The following NHSL3 variants were observed in gnomAD, a reference collection of about 807,000 sequenced individuals.
NHSL3 encodes NHS like 3.
chr1:32,749,371 C>T, the NHSL3 span, among the ~76,000 whole-genome samples: 1 of 152,302 alleles, frequency 6.6e-6, no homozygotes, highest in Non-Finnish European at 1.5e-5. Flanking sequence ...CTGGCCAGCA[C>T]AAGGCCTGGC....
the NHSL3 span, chr1:32,765,665 A>G: frequency 6.1e-5 from 94 of 1,529,460 alleles, no homozygotes; most frequent in Middle Eastern, 2.0e-4. Flanking sequence ...GCGGGGCGGG[A>G]GGGCTCGCAT....
the NHSL3 span, chr1:32,767,750 C>T: frequency 5.7e-6 from 9 of 1,569,378 alleles, no homozygotes; most frequent in Non-Finnish European, 7.8e-6. Flanking sequence ...GGCCCAGATG[C>T]CTTTACCTCA....
the NHSL3 span, among the ~76,000 whole-genome samples, chr1:32,768,284 G>A: frequency 6.6e-6 from 1 of 152,110 alleles, no homozygotes; most frequent in Non-Finnish European, 1.5e-5. Context: ...TGCTGGAGGG[G>A]ATCTGTGACT....
At chr1:32,769,525 C>A in the NHSL3 span, 8 of 670,360 alleles carry the variant, frequency 1.2e-5, no homozygotes, top group Non-Finnish European at 2.1e-5. Flanking sequence ...CAGAAAGAAG[C>A]CTCTAGCTTT....
the NHSL3 span, among the ~76,000 whole-genome samples, chr1:32,769,170 C>T: frequency 6.6e-6 from 1 of 151,946 alleles, no homozygotes; most frequent in African/African-American, 2.4e-5. Flanking sequence ...AGGAGAATGG[C>T]GTGAACCCAG....
the NHSL3 span, chr1:32,773,223 C>A: frequency 2.5e-6 from 1 of 403,286 alleles, no homozygotes; most frequent in Non-Finnish European, 4.6e-6. Flanking sequence ...GGACACCTCA[C>A]CTGAGTTTCA....
the NHSL3 span, among the ~76,000 whole-genome samples, chr1:32,755,005 C>T: frequency 6.6e-6 from 1 of 152,028 alleles, no homozygotes; most frequent in African/African-American, 2.4e-5. Context: ...TGGAACGCAG[C>T]CCTTGCCGGC....
the NHSL3 span, among the ~76,000 whole-genome samples, chr1:32,746,038 G>A: frequency 6.6e-6 from 1 of 151,894 alleles, no homozygotes; most frequent in Non-Finnish European, 1.5e-5. Context: ...AGACCATCCT[G>A]GCTAACATGG....
the NHSL3 span, chr1:32,772,417 GAGA>G: frequency 2.6e-6 from 4 of 1,531,100 alleles, no homozygotes; most frequent in African/African-American, 1.4e-5. Context: ...GGGCCCAGAG[GAGA>G]AGATGGGCCT....
At chr1:32,772,740 C>T in the NHSL3 span, 1 of 974,346 alleles carries the variant, frequency 1.0e-6, no homozygotes, top group Admixed American at 1.9e-5. Context: ...CAGCCCAGTG[C>T]TGCGGGCACT....
the NHSL3 span, among the ~76,000 whole-genome samples, chr1:32,749,559 C>G: frequency 6.6e-6 from 1 of 152,254 alleles, no homozygotes; most frequent in South Asian, 2.1e-4. Flanking sequence ...ACATGGCCAT[C>G]TAGTGTCAGA....
the NHSL3 span, chr1:32,767,988 C>G: frequency 2.4e-5 from 39 of 1,611,758 alleles, no homozygotes; most frequent in Admixed American, 6.7e-5. Context: ...CCTCCCCTCT[C>G]CTCCCTCCAG....
chr1:32,747,100 A>G, the NHSL3 span, among the ~76,000 whole-genome samples: 3 of 151,446 alleles, frequency 2.0e-5, no homozygotes, highest in Admixed American at 2.0e-4. Flanking sequence ...CCTGAGTTTG[A>G]GTTCTGCTCT....
chr1:32,772,997 C>T, the NHSL3 span: 10 of 1,057,648 alleles, frequency 9.5e-6, no homozygotes, highest in Non-Finnish European at 1.5e-5. Flanking sequence ...ATAGAGAGGG[C>T]GCCTGCAGCC....
At chr1:32,769,253 C>CA in the NHSL3 span, among the ~76,000 whole-genome samples, 16,565 of 146,428 alleles carry the variant, frequency 0.11, 944 homozygotes, top group Middle Eastern at 0.14. Flanking sequence ...GACTCCATCT[C>CA]AAAAAAAAAA....
At chr1:32,759,196 A>G in the NHSL3 span, among the ~76,000 whole-genome samples, 3 of 152,186 alleles carry the variant, frequency 2.0e-5, no homozygotes, top group South Asian at 6.2e-4. Flanking sequence ...TAAGGTTCCC[A>G]GGCACTCTGT....
At chr1:32,757,609 T>A in the NHSL3 span, among the ~76,000 whole-genome samples, 1 of 152,036 alleles carries the variant, frequency 6.6e-6, no homozygotes. Flanking sequence ...GTAGCAGAGA[T>A]AAAAATAAGT....
the NHSL3 span, among the ~76,000 whole-genome samples, chr1:32,755,060 G>A: frequency 6.6e-6 from 1 of 152,206 alleles, no homozygotes; most frequent in African/African-American, 2.4e-5. Flanking sequence ...CTCCAATGGG[G>A]AGGGGAGGGA....
chr1:32,769,967 C>T, the NHSL3 span: 1 of 1,607,304 alleles, frequency 6.2e-7, no homozygotes, highest in Admixed American at 1.7e-5. Context: ...GACGGCCGCC[C>T]CCGAGGCACC....
Sources: allele counts gnomAD v4.1 joint callset (sites outside exome capture counted in the v4.1 genomes callset), GRCh38; gene constraint gnomAD v4.1.1; transcripts MANE v1.5; gene names NCBI Gene and HGNC (gene_info 2026-07-23, HGNC 2026-07-21).